Variants in ERGIC1 observed in about 807,000 individuals in gnomAD.
The protein encoded by ERGIC1 is endoplasmic reticulum-golgi intermediate compartment 1.
ERGIC1 carries 19 observed loss-of-function variants against 38.3 expected under a neutral mutation model. That is an observed-to-expected ratio of 0.50 (90% CI 0.35 to 0.73). The LOEUF is 0.73. Ranked by LOEUF, ERGIC1 falls within the 30% of genes least tolerant of loss-of-function variation. The pLI is 0.01. For synonymous variants in ERGIC1, 124 were observed against 157.6 expected, an observed-to-expected ratio of 0.79 and a Z score of 1.60; for missense variants, 294 against 389.2, an observed-to-expected ratio of 0.76 and a Z score of 2.06.
chr5:172,945,398 C>G (rs112580361), intron 9 of ERGIC1, among the ~76,000 whole-genome samples: 2 of 152,198 alleles, frequency 1.3e-5, no homozygotes, highest in Non-Finnish European at 1.5e-5. Flanking sequence ...GACACTCTTG[C>G]GGTCCTGTTC....
chr5:172,949,760 T>C (rs1203275135), intron 9 of ERGIC1, among the ~76,000 whole-genome samples: 1 of 152,074 alleles, frequency 6.6e-6, no homozygotes, highest in East Asian at 1.9e-4. Flanking sequence ...CAAATGTCAA[T>C]GGTGCCATTA....
chr5:172,844,589 G>A (rs1380342925), intron 1 of ERGIC1, among the ~76,000 whole-genome samples: 1 of 152,212 alleles, frequency 6.6e-6, no homozygotes, highest in Non-Finnish European at 1.5e-5. Flanking sequence ...CTTGAGGCTG[G>A]AGGCAGAGGA....
intron 3 of ERGIC1, among the ~76,000 whole-genome samples, chr5:172,898,791 G>T (rs911259398): frequency 2.0e-5 from 3 of 152,154 alleles, no homozygotes; most frequent in East Asian, 1.9e-4. Flanking sequence ...GCCATGCAGG[G>T]TTCGAAGAAG....
At chr5:172,907,060 C>A (rs1200419188) in intron 3 of ERGIC1, among the ~76,000 whole-genome samples, 4 of 152,308 alleles carry the variant, frequency 2.6e-5, no homozygotes, top group Non-Finnish European at 5.9e-5. Flanking sequence ...CCGCCCAGTC[C>A]CATCCATCAG....
chr5:172,893,777 A>G (rs1334541850), intron 2 of ERGIC1, among the ~76,000 whole-genome samples: 1 of 149,516 alleles, frequency 6.7e-6, no homozygotes, highest in Non-Finnish European at 1.5e-5. Context: ...CACTCAGTAA[A>G]CTGATGTGGA....
At chr5:172,840,222 G>A (rs138965823) in intron 1 of ERGIC1, among the ~76,000 whole-genome samples, 2 of 152,196 alleles carry the variant, frequency 1.3e-5, no homozygotes, top group Non-Finnish European at 2.9e-5. Flanking sequence ...CATGGAATGA[G>A]ATGGAATGTC....
intron 3 of ERGIC1, chr5:172,898,018 A>C (rs1365409184): frequency 4.9e-6 from 2 of 408,642 alleles, no homozygotes; most frequent in Non-Finnish European, 8.9e-6. Context: ...CTGTGATGGA[A>C]TTAGACCCAG....
chr5:172,835,678 AC>A (rs982169948), intron 1 of ERGIC1, among the ~76,000 whole-genome samples: 1 of 152,028 alleles, frequency 6.6e-6, no homozygotes, highest in African/African-American at 2.4e-5. Context: ...GCCTGCCATG[AC>A]CCCCATAGCA....
At chr5:172,892,062 G>GTTT (rs573472747) in intron 2 of ERGIC1, among the ~76,000 whole-genome samples, 34 of 90,178 alleles carry the variant, frequency 3.8e-4, no homozygotes, top group African/African-American at 6.1e-4. Context: ...TAAAGAGTAT[G>GTTT]TTTTTTTTTT....
At chr5:172,907,083 G>C (rs1763048831) in intron 3 of ERGIC1, among the ~76,000 whole-genome samples, 1 of 152,142 alleles carries the variant, frequency 6.6e-6, no homozygotes, top group South Asian at 2.1e-4. Context: ...AGTCCCGCCT[G>C]CTCTACGTGG....
Position 172,888,762 on chromosome 5 carries a change from T to C in ERGIC1, c.82+2T>C. On this transcript the variant is annotated splice_donor_variant, in intron 2 of 9. Transcript: ENST00000393784. LOFTEE classifies it high-confidence loss of function. ...AGCCAACGTACACCGGGGCCATTAGTGAGTAGCCAACCTCTGGCCATGCCC... is the reference window on the plus strand; with the variant it reads ...AGCCAACGTACACCGGGGCCATTAGCGAGTAGCCAACCTCTGGCCATGCCC... The C allele has an allele frequency of 1.2e-6, 2 of 1,613,980 alleles. No homozygotes were observed. Among genetic ancestry groups the C allele is most frequent in the South Asian group, 1.1e-5 (1 of 91,082 alleles).
chr5:172,947,431 C>T (rs1017818540), intron 9 of ERGIC1, among the ~76,000 whole-genome samples: 8 of 152,158 alleles, frequency 5.3e-5, no homozygotes, highest in African/African-American at 1.2e-4. Flanking sequence ...TTCCATCTCC[C>T]GAAGTGCTGA....
At chr5:172,942,675 G>C (rs1371500427) in intron 9 of ERGIC1, among the ~76,000 whole-genome samples, 1 of 152,218 alleles carries the variant, frequency 6.6e-6, no homozygotes, top group East Asian at 1.9e-4. Context: ...AGCTGAACTA[G>C]ATCTTCAAGA....
intron 3 of ERGIC1, among the ~76,000 whole-genome samples, chr5:172,900,353 C>A (rs915893794): frequency 6.6e-6 from 1 of 152,136 alleles, no homozygotes; most frequent in African/African-American, 2.4e-5. Flanking sequence ...TCTCTCCCAG[C>A]GGCATCCCGG....
At position 172,922,777 on chromosome 5, in the gene ERGIC1, C is replaced by A. The variant is rs1581578177; in HGVS notation, c.376-1228C>A. ...GACCTGGACTCTGAGAGAATAGAAG[C>A]CGTGGAGGGTTCTGGGCAGAGGAGT... is the stretch of plus-strand genomic sequence containing the variant. On this transcript the variant is annotated intron_variant, in intron 5 of 9. Transcript: ENST00000393784. Among the ~76,000 whole-genome samples the A allele has an allele frequency of 2.6e-5, 4 of 152,240 alleles. 1 individual carries two copies. Among genetic ancestry groups the A allele is most frequent in the Admixed American group, 2.6e-4 (4 of 15,302 alleles).
chr5:172,908,996 C>T lies in ERGIC1; in HGVS notation c.156-671C>T, dbSNP rs138389739. Reference sequence around the variant, plus strand: ...CCTATTTCTCATTTTAGTGTTCAAACCACCTTATTCGTAGTGGGTGGTGTT... The same window carrying T: ...CCTATTTCTCATTTTAGTGTTCAAATCACCTTATTCGTAGTGGGTGGTGTT... On this transcript the variant is annotated intron_variant, in intron 3 of 9. Coordinates refer to ENST00000393784, the MANE Select transcript of ERGIC1 (RefSeq NM_001031711.3). Among the ~76,000 whole-genome samples the T allele has an allele frequency of 3.2e-3, 484 of 152,178 alleles. 3 individuals are homozygous for T. Among genetic ancestry groups the T allele is most frequent in the Non-Finnish European group, 3.1e-3 (214 of 68,008 alleles).
intron 9 of ERGIC1, among the ~76,000 whole-genome samples, chr5:172,939,282 G>A (rs1242532326): frequency 2.0e-5 from 3 of 152,166 alleles, no homozygotes; most frequent in South Asian, 2.1e-4. Flanking sequence ...GGAGATGTGC[G>A]CCAGACACTG....
Position 172,952,414 on chromosome 5 carries a change from T to C in ERGIC1, c.*1598T>C, listed in dbSNP as rs1353702262. ...TTCCCCAGTTACAGGAAGGAGTCCC[T>C]TTGGTGTGTGAATATGTGTGCCTGT... On this transcript the variant is annotated 3_prime_UTR_variant, in exon 10 of 10. Transcript: ENST00000393784. The C allele has an allele frequency of 1.3e-5, 2 of 149,190 alleles. No individual in the cohort carries two copies. Among genetic ancestry groups the C allele is most frequent in the Non-Finnish European group, 3.0e-5 (2 of 67,298 alleles). 9.2% of individuals were successfully genotyped at this position (149,190 alleles called of 1,614,324 possible). A position where few individuals can be genotyped will look rare whatever the true frequency, so the allele number is the denominator to read the frequency against.
intron 5 of ERGIC1, chr5:172,920,372 C>T (rs776565265): frequency 1.7e-5 from 12 of 717,846 alleles, no homozygotes; most frequent in Non-Finnish European, 2.9e-5. Context: ...AGGAAGTTGA[C>T]CAGCAGCCAG....
Sources: allele counts gnomAD v4.1 joint callset (sites outside exome capture counted in the v4.1 genomes callset), GRCh38; gene constraint gnomAD v4.1.1; transcripts MANE v1.5; gene names NCBI Gene and HGNC (gene_info 2026-07-23, HGNC 2026-07-21).